Variants in RABGAP1L observed in about 807,000 individuals in gnomAD.
RABGAP1L encodes the protein rab GTPase-activating protein 1-like.
In RABGAP1L, 63 loss-of-function variants were observed where a neutral mutation model predicts 137.7. The ratio of observed to expected loss-of-function variants is 0.46; its 90% CI spans 0.37 to 0.56. The LOEUF (loss-of-function observed/expected upper bound fraction) is 0.56, where lower values mean the gene tolerates loss of function less well. Ranked by LOEUF, RABGAP1L falls within the 20% of genes least tolerant of loss-of-function variation. The pLI is 0.00. For synonymous variants in RABGAP1L, 431 were observed against 433.7 expected (o/e 0.99, Z 0.08); for missense variants, 1,095 against 1,244.0 (o/e 0.88, Z 1.80).
chr1:174,992,292 T>C lies in RABGAP1L; in HGVS notation c.*2291T>C, dbSNP rs1672112130. 6.6e-6 allele frequency: 1 copy of C among 152,192 alleles called. No homozygotes were observed. Among genetic ancestry groups the C allele is most frequent in the African/African-American group, 2.4e-5 (1 of 41,404 alleles). The allele number at this position is 152,192 out of a possible 1,614,324, so 9.4% of individuals were successfully genotyped here. The stretch of plus-strand genomic sequence containing the variant: ...TATCTCTACTGCAAAATACAAAAAT[T>C]AGCCGGGCTTGGTGGCGGGTGCCTG... On this transcript the variant is annotated 3_prime_UTR_variant, in exon 26 of 26. Coordinates refer to ENST00000681986, the MANE Select transcript of RABGAP1L (RefSeq NM_001366446.1).
intron 13 of RABGAP1L, among the ~76,000 whole-genome samples, chr1:174,538,395 G>A (rs1665068137): frequency 1.3e-5 from 2 of 152,088 alleles, no homozygotes; most frequent in East Asian, 3.8e-4. Context: ...AACTACGTAA[G>A]AATAATCTTT....
intron 20 of RABGAP1L, among the ~76,000 whole-genome samples, chr1:174,962,246 C>T (rs1291913225): frequency 7.1e-6 from 1 of 140,640 alleles, no homozygotes. Flanking sequence ...CAGTGAATCT[C>T]CCAAAGCATA....
chr1:174,464,919 T>G (rs1399741032), intron 13 of RABGAP1L, among the ~76,000 whole-genome samples: 1 of 152,150 alleles, frequency 6.6e-6, no homozygotes, highest in East Asian at 1.9e-4. Context: ...ATTCCTTTCA[T>G]AACTAGCAAG....
chr1:174,530,423 T>C (rs142345740), intron 13 of RABGAP1L, among the ~76,000 whole-genome samples: 3 of 152,242 alleles, frequency 2.0e-5, no homozygotes, highest in African/African-American at 7.2e-5. Context: ...CAGCATGAGC[T>C]CTTTCCCCTC....
intron 13 of RABGAP1L, among the ~76,000 whole-genome samples, chr1:174,629,245 G>A (rs1225968895): frequency 2.0e-5 from 3 of 152,140 alleles, no homozygotes; most frequent in Non-Finnish European, 4.4e-5. Flanking sequence ...TGGAAGGTGG[G>A]TTGACATTAG....
chr1:174,873,819 A>C (rs1318311785), intron 19 of RABGAP1L, among the ~76,000 whole-genome samples: 1 of 152,146 alleles, frequency 6.6e-6, no homozygotes, highest in Non-Finnish European at 1.5e-5. Context: ...AGGTGAGATA[A>C]TTTTTATACT....
At chr1:174,469,831 C>T in intron 13 of RABGAP1L, among the ~76,000 whole-genome samples, 1 of 152,158 alleles carries the variant, frequency 6.6e-6, no homozygotes, top group East Asian at 1.9e-4. Flanking sequence ...AGTTCCAGTT[C>T]CTGACAACAT....
chr1:174,176,316 A>T (rs1665844306), intron 1 of RABGAP1L, among the ~76,000 whole-genome samples: 1 of 152,072 alleles, frequency 6.6e-6, no homozygotes. Flanking sequence ...GTTTGAATGG[A>T]TCTTTTATCT....
At chr1:174,716,722 C>T (rs1383388831) in intron 17 of RABGAP1L, among the ~76,000 whole-genome samples, 1 of 152,158 alleles carries the variant, frequency 6.6e-6, no homozygotes, top group Admixed American at 6.5e-5. Flanking sequence ...TTCTTGTCCT[C>T]ATCCTAGTAG....
chr1:174,891,130 C>A (rs1656072115), intron 19 of RABGAP1L, among the ~76,000 whole-genome samples: 1 of 152,112 alleles, frequency 6.6e-6, no homozygotes, highest in South Asian at 2.1e-4. Flanking sequence ...AAGGTGGAAA[C>A]TTTTGAACAG....
chr1:174,242,559 C>T (rs368447582), intron 5 of RABGAP1L, among the ~76,000 whole-genome samples: 10 of 152,190 alleles, frequency 6.6e-5, no homozygotes, highest in South Asian at 6.2e-4. Context: ...TTTCTGGCGA[C>T]AAAATGGGAA....
chr1:174,551,842 G>A (rs1666567721), intron 13 of RABGAP1L, among the ~76,000 whole-genome samples: 1 of 152,010 alleles, frequency 6.6e-6, no homozygotes, highest in African/African-American at 2.4e-5. Flanking sequence ...TATCAGAAAT[G>A]GAATAGTGGA....
intron 14 of RABGAP1L, among the ~76,000 whole-genome samples, chr1:174,664,734 C>CTTTTTTTTTTTTTTTTT (rs71701825): frequency 1.0e-5 from 1 of 97,576 alleles, no homozygotes; most frequent in African/African-American, 5.2e-5. Flanking sequence ...TTTCTGCTTT[C>CTTTTTTTTTTTTTTTTT]TTTTTTTTTT....
intron 19 of RABGAP1L, chr1:174,849,731 C>G (rs1647917429): frequency 2.2e-6 from 1 of 462,612 alleles, no homozygotes; most frequent in Non-Finnish European, 4.3e-6. Context: ...TCGCATCTTT[C>G]TGTTCTAAAT....
intron 1 of RABGAP1L, among the ~76,000 whole-genome samples, chr1:174,187,087 C>G (rs537388012): frequency 2.0e-5 from 3 of 152,258 alleles, no homozygotes; most frequent in African/African-American, 7.2e-5. Flanking sequence ...GTTCCCATAA[C>G]CTGGAATGAT....
intron 24 of RABGAP1L, among the ~76,000 whole-genome samples, chr1:174,985,620 C>T (rs74404396): frequency 0.012 from 1,865 of 152,144 alleles, 38 homozygotes; most frequent in African/African-American, 0.043. Flanking sequence ...TTTCAGTTTC[C>T]TGTAATAACC....
At chr1:174,851,522 ATT>A (rs1475525300) in intron 19 of RABGAP1L, among the ~76,000 whole-genome samples, 1 of 151,430 alleles carries the variant, frequency 6.6e-6, no homozygotes, top group African/African-American at 2.4e-5. Context: ...AGAAGTTGCC[ATT>A]TCTTTCTTTT....
At chr1:174,454,603 G>T (rs557453095) in intron 13 of RABGAP1L, among the ~76,000 whole-genome samples, 220 of 149,748 alleles carry the variant, frequency 1.5e-3, no homozygotes, top group African/African-American at 5.1e-3. Flanking sequence ...CAGGCTGGAG[G>T]GCAGTGGCGC....
Position 174,305,012 on chromosome 1 carries a change from T to A in RABGAP1L, c.1350T>A (p.Ala450=). 1 of 1,559,172 alleles carries A rather than the reference T, an allele frequency of 6.4e-7. No homozygotes were observed. Among genetic ancestry groups the A allele is most frequent in the Non-Finnish European group, 8.6e-7 (1 of 1,157,638 alleles). Residue 450 remains alanine (A), a synonymous_variant, in exon 11 of 26, where the codon GCT becomes GCA. Coordinates refer to ENST00000681986, the MANE Select transcript of RABGAP1L (RefSeq NM_001366446.1). ...CTGAGGGAAAAGGCCATACCAATGC[T>A]GGAGATGCAATATATGAGGTGGTGA... ...KQSEGKGHTN[A]GDAIYEVVSL...
Sources: gnomAD v4.1 joint callset for allele counts (sites outside exome capture counted in the v4.1 genomes callset) on GRCh38, gnomAD v4.1.1 for gene constraint, MANE v1.5 for transcripts, NCBI Gene and HGNC (gene_info 2026-07-23, HGNC 2026-07-21) for gene names.